PLXNA4: variants seen among roughly 807,000 people sequenced by gnomAD.
PLXNA4 encodes the protein plexin-A4.
In PLXNA4, 44 loss-of-function variants were observed where a neutral mutation model predicts 191.8. The observed-to-expected ratio is 0.23, with a 90% CI of 0.18 to 0.29. PLXNA4 has a LOEUF of 0.29. PLXNA4 is among the 10% of genes least tolerant of loss of function. PLXNA4 has a pLI of 1.00. For synonymous variants in PLXNA4, 1,082 were observed against 1,009.5 expected (o/e 1.07, Z -1.36); for missense variants, 1,800 against 2,488.8 (o/e 0.72, Z 5.89).
At chr7:132,165,433 C>G (rs1796094387) in intron 22 of PLXNA4, among the ~76,000 whole-genome samples, 1 of 152,172 alleles carries the variant, frequency 6.6e-6, no homozygotes, top group Non-Finnish European at 1.5e-5. Flanking sequence ...TTTTGGGCAG[C>G]AGGCTGTGGG....
chr7:132,571,806 CTAAAG>C (rs1225141846), intron 1 of PLXNA4, among the ~76,000 whole-genome samples: 1 of 152,074 alleles, frequency 6.6e-6, no homozygotes, highest in East Asian at 1.9e-4. Flanking sequence ...CTCATAGAGT[CTAAAG>C]TAAAGATGGG....
At position 132,233,797 on chromosome 7, in the gene PLXNA4, G is replaced by T. The variant is rs564592623; in HGVS notation, c.1605-5328C>A. Among the ~76,000 whole-genome samples the T allele has an allele frequency of 5.9e-5, 9 of 152,344 alleles. No individual in the cohort carries two copies. The East Asian group carries it at 1.7e-3, about 29-fold the overall frequency. On this transcript the variant is annotated intron_variant, in intron 5 of 31. Transcript: ENST00000321063. Reference sequence around the variant, plus strand: ...AGCCTTCATTGAGAAGCCATGTTCTGCCCTGGGTCCCTGACTGGATTCTGA... The same window carrying T: ...AGCCTTCATTGAGAAGCCATGTTCTTCCCTGGGTCCCTGACTGGATTCTGA...
chr7:132,594,780 C>G (rs1003718603), intron 2 of PLXNA4, among the ~76,000 whole-genome samples: 1 of 152,130 alleles, frequency 6.6e-6, no homozygotes, highest in African/African-American at 2.4e-5. Flanking sequence ...GGACTCCATC[C>G]CACGTAATTC....
intron 29 of PLXNA4, among the ~76,000 whole-genome samples, chr7:132,141,546 A>G (rs909001667): frequency 1.3e-5 from 2 of 152,080 alleles, no homozygotes; most frequent in Non-Finnish European, 2.9e-5. Context: ...GTTCATGGAA[A>G]GGCAGACATG....
rs186490078 is a variant in PLXNA4, at chr7:132,619,810, T to C, written c.-87+26118A>G. Among the ~76,000 whole-genome samples the C allele has an allele frequency of 3.9e-5, 6 of 152,286 alleles. No homozygotes were observed. The East Asian group carries it at 9.6e-4, about 24-fold the overall frequency. On this transcript the variant is annotated intron_variant, in intron 2 of 4. Transcript: ENST00000378539. ...ACTCCTTGTTGTCCATTTTTCTTTT[T>C]TGGTTTTTGAGACGGAGTCTCGCTC...
At chr7:132,350,899 T>C (rs36014950) in intron 3 of PLXNA4, among the ~76,000 whole-genome samples, 469 of 152,248 alleles carry the variant, frequency 3.1e-3, no homozygotes, top group Non-Finnish European at 5.2e-3. Context: ...GTCCATCAGA[T>C]AAAGAATGGG....
chr7:132,257,632 A>G (rs1799478135), intron 4 of PLXNA4, among the ~76,000 whole-genome samples: 1 of 152,150 alleles, frequency 6.6e-6, no homozygotes, highest in Non-Finnish European at 1.5e-5. Flanking sequence ...TGGTCTGGGG[A>G]CACAGAGCAG....
chr7:132,538,604 G>A (rs770347428), intron 1 of PLXNA4, among the ~76,000 whole-genome samples: 6 of 152,186 alleles, frequency 3.9e-5, no homozygotes, highest in Non-Finnish European at 7.3e-5. Context: ...CTATAAAATG[G>A]ATTTCAAAAA....
intron 5 of PLXNA4, among the ~76,000 whole-genome samples, chr7:132,238,074 T>C (rs1006624771): frequency 2.6e-5 from 4 of 152,202 alleles, no homozygotes; most frequent in African/African-American, 7.2e-5. Context: ...GCTGAAGGTC[T>C]GTCTAGTGAT....
chr7:132,332,891 A>T (rs1042711515), intron 3 of PLXNA4, among the ~76,000 whole-genome samples: 1 of 151,810 alleles, frequency 6.6e-6, no homozygotes, highest in African/African-American at 2.4e-5. Flanking sequence ...AGGACAGGAC[A>T]TCCATGTTTA....
intron 4 of PLXNA4, among the ~76,000 whole-genome samples, chr7:132,249,041 G>GGA (rs1799156043): frequency 6.6e-6 from 1 of 152,218 alleles, no homozygotes; most frequent in Non-Finnish European, 1.5e-5. Context: ...CTGCCTCTAG[G>GGA]CAGGACCTCT....
chr7:132,605,868 C>T (rs560067919), intron 2 of PLXNA4, among the ~76,000 whole-genome samples: 3 of 152,170 alleles, frequency 2.0e-5, no homozygotes, highest in Admixed American at 6.5e-5. Context: ...GAGACTGGAG[C>T]CATGCAGATG....
intron 4 of PLXNA4, chr7:132,271,066 A>G (rs1167981547): frequency 1.3e-5 from 2 of 152,124 alleles, no homozygotes; most frequent in Non-Finnish European, 2.9e-5. Flanking sequence ...TGCTGCACCA[A>G]AAGACTGAAG....
intron 14 of PLXNA4, among the ~76,000 whole-genome samples, chr7:132,191,809 T>C (rs1171529177): frequency 6.7e-6 from 1 of 148,318 alleles, no homozygotes; most frequent in African/African-American, 2.5e-5. Context: ...TCTATGTCTA[T>C]ATCATATACT....
chr7:132,332,963 T>C (rs1802653066), intron 3 of PLXNA4, among the ~76,000 whole-genome samples: 1 of 152,202 alleles, frequency 6.6e-6, no homozygotes, highest in Admixed American at 6.5e-5. Flanking sequence ...TTCCCTTCTT[T>C]CTCACTCTCT....
At chr7:132,135,921 C>T (rs1373516871) in intron 30 of PLXNA4, among the ~76,000 whole-genome samples, 3 of 152,282 alleles carry the variant, frequency 2.0e-5, no homozygotes, top group Admixed American at 6.5e-5. Flanking sequence ...GGTGGGCCAA[C>T]TGCATGACCT....
At chr7:132,191,766 C>G (rs1004862959) in intron 14 of PLXNA4, among the ~76,000 whole-genome samples, 3 of 137,520 alleles carry the variant, frequency 2.2e-5, no homozygotes, top group Middle Eastern at 7.7e-3. Context: ...CATCCCTCCT[C>G]TCTCCATCTC....
At chr7:132,229,812 G>A (rs1798462253) in intron 5 of PLXNA4, among the ~76,000 whole-genome samples, 1 of 152,080 alleles carries the variant, frequency 6.6e-6, no homozygotes, top group Non-Finnish European at 1.5e-5. Context: ...GTGGGGCAAG[G>A]AGATGAGGGA....
At chr7:132,384,863 G>T in intron 3 of PLXNA4, 3 of 1,178,670 alleles carry the variant, frequency 2.5e-6, no homozygotes, top group Non-Finnish European at 3.2e-6. Context: ...AGGCCCAAGA[G>T]ATAACTATAT....
Sources: gnomAD v4.1 joint callset for allele counts (sites outside exome capture counted in the v4.1 genomes callset) on GRCh38, gnomAD v4.1.1 for gene constraint, MANE v1.5 for transcripts, NCBI Gene and HGNC (gene_info 2026-07-23, HGNC 2026-07-21) for gene names.